Variants in ARID5B observed in about 807,000 individuals in gnomAD.
ARID5B encodes the protein AT-rich interactive domain-containing protein 5B.
ARID5B carries 13 observed loss-of-function variants against 97.2 expected under a neutral mutation model. That is an observed-to-expected ratio of 0.13 (90% confidence interval 0.09 to 0.21). The LOEUF is 0.21. Ranked by LOEUF, ARID5B falls within the 10% of genes least tolerant of loss-of-function variation. The probability of loss-of-function intolerance (pLI) is 1.00; values close to 1 mark genes in which losing one functional copy is unlikely to be tolerated. For missense variants in ARID5B, 1,210 were observed against 1,465.3 expected (o/e 0.83, Z 2.84); for synonymous variants, 556 against 570.3 (o/e 0.97, Z 0.36).
chr10:61,952,609 A>G (rs1289170362), intron 3 of ARID5B, among the ~76,000 whole-genome samples: 2 of 152,164 alleles, frequency 1.3e-5, no homozygotes, highest in Admixed American at 6.5e-5. Flanking sequence ...ACCTATGTGC[A>G]TTTGAAGGTT....
At chr10:62,011,979 C>G (rs1206991223) in intron 4 of ARID5B, among the ~76,000 whole-genome samples, 1 of 151,818 alleles carries the variant, frequency 6.6e-6, no homozygotes, top group Non-Finnish European at 1.5e-5. Flanking sequence ...TCCTTCATCC[C>G]CTTAGTACCA....
chr10:62,058,444 T>TA (rs2132940655), intron 6 of ARID5B, among the ~76,000 whole-genome samples: 1 of 152,278 alleles, frequency 6.6e-6, no homozygotes, highest in South Asian at 2.1e-4. Flanking sequence ...TCCCCTCATG[T>TA]AAAAAAATCA....
chr10:62,051,683 G>A (rs1839792801), intron 5 of ARID5B, among the ~76,000 whole-genome samples: 1 of 152,164 alleles, frequency 6.6e-6, no homozygotes, highest in Non-Finnish European at 1.5e-5. Flanking sequence ...GCACGACAAA[G>A]GGTAAAGTAT....
chr10:62,053,207 G>C lies in ARID5B; in HGVS notation c.846+2207G>C, dbSNP rs540336529. On this transcript the variant is annotated intron_variant, in intron 5 of 9. Coordinates refer to ENST00000279873, the MANE Select transcript of ARID5B (RefSeq NM_032199.3). Reference sequence around the variant, plus strand: ...GCAGCATCTTAGAGGACAGTGAGCTGTTTGACTTTGTGACCAAGACCCATG... The same window carrying C: ...GCAGCATCTTAGAGGACAGTGAGCTCTTTGACTTTGTGACCAAGACCCATG... 1.3e-4 allele frequency among the ~76,000 whole-genome samples: 20 copies of C among 152,320 alleles called. No homozygotes were observed. In the East Asian group the frequency reaches 3.9e-3, roughly 29 times the overall value.
intron 3 of ARID5B, among the ~76,000 whole-genome samples, chr10:61,951,946 T>C (rs1469464346): frequency 6.6e-6 from 1 of 152,180 alleles, no homozygotes; most frequent in Non-Finnish European, 1.5e-5. Context: ...TTTCATACTT[T>C]AATTATCGTT....
chr10:62,040,499 G>C (rs563005772), intron 4 of ARID5B, among the ~76,000 whole-genome samples: 4 of 152,142 alleles, frequency 2.6e-5, no homozygotes, highest in African/African-American at 9.6e-5. Context: ...TGTTCTGTCT[G>C]CTCCTTAACA....
intron 5 of ARID5B, among the ~76,000 whole-genome samples, chr10:62,051,361 C>T (rs1839788079): frequency 1.3e-5 from 2 of 152,274 alleles, no homozygotes; most frequent in South Asian, 4.1e-4. Flanking sequence ...CCAGCTGAAC[C>T]GTCCTCTTTC....
intron 3 of ARID5B, among the ~76,000 whole-genome samples, chr10:61,982,320 C>T (rs141322535): frequency 5.3e-5 from 8 of 152,224 alleles, no homozygotes; most frequent in African/African-American, 1.7e-4. Flanking sequence ...ATTGTTGGAC[C>T]AGTTTTCTTC....
intron 3 of ARID5B, among the ~76,000 whole-genome samples, chr10:61,947,570 C>T (rs1838256613): frequency 6.6e-6 from 1 of 151,888 alleles, no homozygotes; most frequent in Non-Finnish European, 1.5e-5. Flanking sequence ...GTGTCCAACC[C>T]AGTATGTTTT....
intron 3 of ARID5B, among the ~76,000 whole-genome samples, chr10:61,943,660 G>C (rs1016297699): frequency 1.3e-5 from 2 of 151,982 alleles, no homozygotes; most frequent in African/African-American, 4.8e-5. Flanking sequence ...GCTCATTAAA[G>C]CACTTTTCTT....
intron 4 of ARID5B, among the ~76,000 whole-genome samples, chr10:62,037,919 T>C (rs190022358): frequency 6.6e-6 from 1 of 152,342 alleles, no homozygotes; most frequent in East Asian, 1.9e-4. Flanking sequence ...TTGAGATTAA[T>C]CTGCCCCTAA....
intron 2 of ARID5B, among the ~76,000 whole-genome samples, chr10:61,910,452 C>T (rs955151382): frequency 1.5e-4 from 23 of 152,154 alleles, no homozygotes; most frequent in Admixed American, 6.5e-5. Context: ...ACAAATTTAT[C>T]GATTGTTGGC....
intron 8 of ARID5B, among the ~76,000 whole-genome samples, chr10:62,079,966 T>A (rs1349456635): frequency 6.6e-6 from 1 of 152,180 alleles, no homozygotes; most frequent in Non-Finnish European, 1.5e-5. Context: ...AGAATACAGG[T>A]GATGCTAGTT....
chr10:61,971,504 G>A (rs916158313), intron 3 of ARID5B, among the ~76,000 whole-genome samples: 5 of 152,184 alleles, frequency 3.3e-5, no homozygotes, highest in African/African-American at 7.2e-5. Context: ...TGTGTTATCC[G>A]ATGGAAATTT....
At chr10:61,992,246 A>G (rs1838936541) in intron 3 of ARID5B, among the ~76,000 whole-genome samples, 1 of 152,214 alleles carries the variant, frequency 6.6e-6, no homozygotes. Context: ...CCCTATGGCA[A>G]TAAGCTGCAA....
chr10:61,988,992 C>A (rs113702864), intron 3 of ARID5B, among the ~76,000 whole-genome samples: 2 of 129,292 alleles, frequency 1.5e-5, no homozygotes, highest in African/African-American at 6.0e-5. Flanking sequence ...TGCAATGGTG[C>A]AATCTCGGCT....
rs139723701 is a variant in ARID5B, at chr10:61,972,832, T to C, written c.503-27259T>C. Among the ~76,000 whole-genome samples, 594 of 152,308 alleles carry C rather than the reference T, an allele frequency of 3.9e-3. 2 individuals carry two copies. The highest frequency in any genetic ancestry group is 6.8e-3 in the Non-Finnish European group (460 of 68,002). On this transcript the variant is annotated intron_variant, in intron 3 of 9. Coordinates refer to ENST00000279873, the MANE Select transcript of ARID5B (RefSeq NM_032199.3). ...CTTTTCCTAGGTGCTGGTCAAACTG[T>C]AAAAAACATTTTCGGTAGAATTAGG...
intron 2 of ARID5B, among the ~76,000 whole-genome samples, chr10:61,935,281 G>A (rs1242441428): frequency 6.6e-6 from 1 of 152,090 alleles, no homozygotes; most frequent in Non-Finnish European, 1.5e-5. Flanking sequence ...AGCTCTGTTT[G>A]TAATCACCAA....
intron 3 of ARID5B, among the ~76,000 whole-genome samples, chr10:61,957,008 T>A (rs1359887042): frequency 6.6e-6 from 1 of 152,158 alleles, no homozygotes; most frequent in African/African-American, 2.4e-5. Flanking sequence ...CAGGCTCAAG[T>A]GATCCTCCCA....
Sources: allele counts gnomAD v4.1 joint callset (sites outside exome capture counted in the v4.1 genomes callset), GRCh38; gene constraint gnomAD v4.1.1; transcripts MANE v1.5; gene names NCBI Gene and HGNC (gene_info 2026-07-23, HGNC 2026-07-21).